OGA: variants seen among roughly 807,000 people sequenced by gnomAD.
OGA encodes protein O-GlcNAcase.
OGA carries 21 observed loss-of-function variants against 102.0 expected under a neutral mutation model. The ratio of observed to expected loss-of-function variants is 0.21; its 90% confidence interval spans 0.15 to 0.30. The LOEUF is 0.30. OGA is among the 10% of genes least tolerant of loss of function. OGA has a pLI of 1.00. For missense variants in OGA, 765 were observed against 1,107.8 expected (o/e 0.69, Z 4.39); for synonymous variants, 408 against 378.2 (o/e 1.08, Z -0.91).
At chr10:101,810,431 C>A in intron 3 of OGA, 117 bp from the exon 4 acceptor site, 1 of 977,032 alleles carries the variant, frequency 1.0e-6, no homozygotes, top group South Asian at 1.8e-5. Flanking sequence ...AAGATCCTCA[C>A]ATTTTACAAA....
intron 9 of OGA, 130 bp from the exon 10 acceptor site, chr10:101,798,284 G>A: frequency 1.2e-6 from 1 of 811,080 alleles, no homozygotes; most frequent in East Asian, 2.7e-5. Context: ...GTATCATTTT[G>A]TGTCTCCCCA....
chr10:101,803,849 T>C lies in OGA; in HGVS notation c.922A>G (p.Lys308Glu). 1 of 1,614,252 alleles carries C rather than the reference T, an allele frequency of 6.2e-7. No individual in the cohort carries two copies. The highest frequency in any genetic ancestry group is 8.5e-7 in the Non-Finnish European group (1 of 1,180,036). ...CAATTTGGATTAGTGAGGACTCCTT[T>C]TAACCGTGGGATGAGTTCTGTGGAT... ...GRSTELIPRL[K>E]GVLTNPNCEF... The change falls in exon 7 of 16, where the codon AAA (lysine) becomes GAA (glutamate). Residue 308 changes from lysine to glutamate, a missense_variant. Physicochemically the swap from Lys to Glu is moderately conservative, Grantham distance 56 (BLOSUM62 1). Transcript: ENST00000361464.
rs1275296914 is a variant in OGA, at chr10:101,785,440, CCCTA to C, written c.*1007_*1010del. Reference sequence around the variant, plus strand: ...CAAATGGGACCAATCAGTCCCTGAACCCTACCTGACATGTCAAATCCAACATTTC... The same window carrying C: ...CAAATGGGACCAATCAGTCCCTGAACCCTGACATGTCAAATCCAACATTTC... On this transcript the variant is annotated 3_prime_UTR_variant, in exon 16 of 16. Coordinates refer to ENST00000361464, the MANE Select transcript of OGA (RefSeq NM_012215.5). 1 of 152,634 alleles carries C rather than the reference CCCTA, an allele frequency of 6.6e-6. No homozygotes were observed. Among genetic ancestry groups the C allele is most frequent in the Non-Finnish European group, 1.5e-5 (1 of 68,048 alleles). 9.5% of individuals were successfully genotyped at this position (152,634 alleles called of 1,614,324 possible).
intron 9 of OGA, among the ~76,000 whole-genome samples, chr10:101,798,415 T>TC (rs2065345186): frequency 6.6e-6 from 1 of 150,766 alleles, no homozygotes; most frequent in Non-Finnish European, 1.5e-5. Context: ...ATACTTTTTT[T>TC]TTTTTTTTTT....
At chr10:101,799,796 T>C (rs1232262180) in intron 8 of OGA, among the ~76,000 whole-genome samples, 2 of 152,236 alleles carry the variant, frequency 1.3e-5, no homozygotes, top group Non-Finnish European at 2.9e-5. Context: ...AAAAGTAAGA[T>C]TTAAAAATCC....
intron 7 of OGA, among the ~76,000 whole-genome samples, chr10:101,800,965 G>T (rs1210995916): frequency 6.6e-6 from 1 of 151,826 alleles, no homozygotes; most frequent in East Asian, 1.9e-4. Context: ...CGTGAAGATG[G>T]GGTTTCACCA....
In OGA at chr10:101,787,436, G is replaced by T; in HGVS notation, c.2542C>A (p.His848Asn). ...ACACTTGGGTCAGTTACTTTTTTGT[G>T]AATGTCCATCTTTATCAGAGAAGGG... The part of the protein sequence containing the change: ...NFPSLIKMDI[H>N]KKVTDPSVAK... The change falls in exon 15 of 16, where the codon CAC becomes AAC. Residue 848 changes from histidine (H) to asparagine (N), a missense_variant. Around this residue, in one of 7 missense-constraint regions of OGA, gnomAD observed 146 missense variants for 269.7 expected, o/e 0.54. Transcript: ENST00000361464. The T allele has an allele frequency of 6.2e-7, 1 of 1,614,038 alleles. No homozygotes were observed.
At chr10:101,816,066 G>C (rs2065620528) in intron 1 of OGA, among the ~76,000 whole-genome samples, 1 of 147,378 alleles carries the variant, frequency 6.8e-6, no homozygotes, top group South Asian at 2.2e-4. Context: ...GAGCTCCGTA[G>C]GTGGAAACCT....
Position 101,798,992 on chromosome 10 carries a change from C to G in OGA, c.1659G>C (p.Val553=), listed in dbSNP as rs1174954546. ...CAAGTAACTGCAAATCCTCCAGGGTCACTGGTTCCGCAGTGTACAAAGGCT... is the reference window on the plus strand; with the variant it reads ...CAAGTAACTGCAAATCCTCCAGGGTGACTGGTTCCGCAGTGTACAAAGGCT... ...NEKPLYTAEP[V]TLEDLQLLAD... Residue 553 remains valine (V), a synonymous_variant, in exon 9 of 16, where the codon GTG becomes GTC. Coordinates refer to ENST00000361464, the MANE Select transcript of OGA (RefSeq NM_012215.5). The G allele has an allele frequency of 4.3e-6, 7 of 1,614,214 alleles. No individual in the cohort carries two copies. Among genetic ancestry groups the G allele is most frequent in the Non-Finnish European group, 5.1e-6 (6 of 1,180,052 alleles).
At chr10:101,790,265 G>GTTTTTTTTTT (rs869235919) in intron 14 of OGA, among the ~76,000 whole-genome samples, 1 of 86,392 alleles carries the variant, frequency 1.2e-5, no homozygotes, top group African/African-American at 4.7e-5. Context: ...ATAATATCTT[G>GTTTTTTTTTT]TTTTTTTTTT....
rs200864442 is a variant in OGA at position 101,816,326 on chromosome 10, AAAT to A, written c.199+1495_199+1497del. Reference sequence around the variant, plus strand: ...TGGCTCAGGTGCTCAGTCACTAAGAAAATATACAAGGGCACGGGAGGGAGGAGG... The same window carrying A: ...TGGCTCAGGTGCTCAGTCACTAAGAAATACAAGGGCACGGGAGGGAGGAGG... On this transcript the variant is annotated intron_variant, in intron 1 of 15. Transcript: ENST00000361464. Among the ~76,000 whole-genome samples, 801 of 152,362 alleles carry A rather than the reference AAAT, an allele frequency of 5.3e-3. 13 individuals carry two copies. Among genetic ancestry groups the A allele is most frequent in the African/African-American group, 0.018 (750 of 41,588 alleles).
In OGA at chr10:101,817,951, A is replaced by T; in HGVS notation, c.72T>A (p.Ser24=). The part of the protein sequence containing the change: ...ESELSSNPAA[S]AGASLEPPAA... ...CCGGCGGCTCCAGCGATGCCCCCGC[A>T]GAGGCGGCAGGGTTGGAGCTGAGCT... Residue 24 remains serine (S), a synonymous_variant, in exon 1 of 16, where the codon TCT becomes TCA. Coordinates refer to ENST00000361464, the MANE Select transcript of OGA (RefSeq NM_012215.5). The T allele has an allele frequency of 6.2e-7, 1 of 1,600,028 alleles. No homozygotes were observed.
chr10:101,812,924 C>T (rs1238305199), intron 3 of OGA, 106 bp downstream of exon 3: 2 of 948,214 alleles, frequency 2.1e-6, no homozygotes, highest in Admixed American at 1.8e-5. Flanking sequence ...AGGAAACTAC[C>T]TACAAAATAA....
intron 14 of OGA, among the ~76,000 whole-genome samples, chr10:101,789,555 G>A (rs992945573): frequency 1.3e-5 from 2 of 151,962 alleles, no homozygotes; most frequent in Non-Finnish European, 2.9e-5. Context: ...GTGGAGAGGG[G>A]TAGAGAATTT....
Position 101,818,271 on chromosome 10 carries a change from A to G in OGA, c.-249T>C. The G allele has an allele frequency of 7.7e-7, 1 of 1,291,176 alleles. No individual in the cohort carries two copies. The highest frequency in any genetic ancestry group is 1.5e-5 in the African/African-American group (1 of 64,530). The allele number at this position is 1,291,176 out of a possible 1,614,324, so 80.0% of individuals were successfully genotyped here. A position where few individuals can be genotyped will look rare whatever the true frequency, so the allele number is the denominator to read the frequency against. ...TTTAAGCTGGGGCGCCAGAAGCCTAAGCGGAGAGCGAGGCTGTGACCTCTC... is the reference window on the plus strand; with the variant it reads ...TTTAAGCTGGGGCGCCAGAAGCCTAGGCGGAGAGCGAGGCTGTGACCTCTC... On this transcript the variant is annotated 5_prime_UTR_variant, in exon 1 of 16. Transcript: ENST00000361464.
chr10:101,796,413 C>T (rs1448097065), intron 10 of OGA, among the ~76,000 whole-genome samples: 1 of 152,088 alleles, frequency 6.6e-6, no homozygotes, highest in East Asian at 1.9e-4. Context: ...AAGCACATGC[C>T]ACCACGCCCA....
At chr10:101,790,662 A>G (rs1219827921) in intron 14 of OGA, among the ~76,000 whole-genome samples, 1 of 152,194 alleles carries the variant, frequency 6.6e-6, no homozygotes, top group Non-Finnish European at 1.5e-5. Flanking sequence ...CTGAGGAAAT[A>G]TTACAATAGT....
In OGA at chr10:101,790,989, G is replaced by A. The variant is rs1365100121; in HGVS notation, c.2361C>T (p.Thr787=). ...AAATTTTACATTTTTTAATAAAGGG[G>A]GTCACATCTACAGTGCCCAAGGCAT... is the stretch of plus-strand genomic sequence containing the variant. ...CGYALGTVDV[T]PFIKKCKISW... is the part of the protein sequence containing the mutation. Residue 787 remains threonine, a synonymous_variant, in exon 14 of 16, where the codon ACC becomes ACT. Transcript: ENST00000361464. The A allele has an allele frequency of 1.2e-6, 2 of 1,613,682 alleles. No individual in the cohort carries two copies. Among genetic ancestry groups the A allele is most frequent in the South Asian group, 2.2e-5 (2 of 91,032 alleles).
At chr10:101,795,769 G>A (rs2080835403) in intron 10 of OGA, 1 of 392,738 alleles carries the variant, frequency 2.5e-6, no homozygotes, top group Non-Finnish European at 3.5e-6. Context: ...ACTGTCTTGG[G>A]CCACACATAA....
Sources: allele counts gnomAD v4.1 joint callset (sites outside exome capture counted in the v4.1 genomes callset), GRCh38; gene constraint gnomAD v4.1.1; regional missense constraint gnomAD v4.1.1; transcripts MANE v1.5; gene names NCBI Gene and HGNC (gene_info 2026-07-23, HGNC 2026-07-21).